SLC6A20: variants seen among roughly 807,000 people sequenced by gnomAD.
SLC6A20 encodes solute carrier family 6 member 20.
A neutral mutation model predicts 64.3 loss-of-function variants in SLC6A20; 73 were observed. That is an observed-to-expected ratio of 1.14 (90% confidence interval 0.94 to 1.38). SLC6A20 has a LOEUF of 1.38. SLC6A20 is among the 40% of genes most tolerant of loss of function. SLC6A20 has a pLI of 0.00. For missense variants in SLC6A20, 725 were observed against 772.8 expected (o/e 0.94, Z 0.73); for synonymous variants, 347 against 329.6 (o/e 1.05, Z -0.57).
chr3:45,779,964 C>G (rs1263802551), intron 3 of SLC6A20, 45 bp downstream of exon 3: 1 of 1,553,710 alleles, frequency 6.4e-7, no homozygotes, highest in African/African-American at 1.4e-5. Context: ...TTTTCTCTCC[C>G]TTTCTCGCTC....
chr3:45,783,661 G>T (rs551257556), intron 1 of SLC6A20, among the ~76,000 whole-genome samples: 2 of 152,364 alleles, frequency 1.3e-5, no homozygotes, highest in South Asian at 2.1e-4. Flanking sequence ...GAAGTGGAAT[G>T]GCTGGGGCAA....
intron 1 of SLC6A20, among the ~76,000 whole-genome samples, chr3:45,785,613 T>TCTCTCTCTCTCTCTCTCTC (rs1700157049): frequency 1.4e-5 from 2 of 141,016 alleles, no homozygotes; most frequent in South Asian, 2.5e-4. Flanking sequence ...AAACTCCCCT[T>TCTCTCTCTCTCTCTCTCTC]TCTCTCTCTC....
rs575001121 is a variant in SLC6A20, at chr3:45,775,739, C to G, written c.582+22G>C. ...CCTCCCACCCACCAGGAGCACCGGG[C>G]TTCTGTGCCTCACTGTCCCACCTTG... is the stretch of plus-strand genomic sequence containing the variant. On this transcript the variant is annotated intron_variant, in intron 4 of 10. Transcript: ENST00000358525. The G allele has an allele frequency of 1.4e-4, 227 of 1,604,530 alleles. 3 individuals are homozygous for G. The South Asian group carries it at 2.4e-3, about 17-fold the overall frequency.
intron 1 of SLC6A20, among the ~76,000 whole-genome samples, chr3:45,792,202 TGA>T (rs1700265512): frequency 6.6e-6 from 1 of 152,114 alleles, no homozygotes; most frequent in South Asian, 2.1e-4. Flanking sequence ...AGAAGTACCC[TGA>T]GCCACGGCAA....
At chr3:45,774,574 G>C (rs952813923) in intron 4 of SLC6A20, among the ~76,000 whole-genome samples, 19 of 152,142 alleles carry the variant, frequency 1.2e-4, no homozygotes, top group Admixed American at 1.3e-4. Flanking sequence ...GGGGCTCTTA[G>C]AAACCAAAAT....
At chr3:45,778,394 C>G (rs781690565) in intron 3 of SLC6A20, among the ~76,000 whole-genome samples, 2 of 152,214 alleles carry the variant, frequency 1.3e-5, no homozygotes, top group Non-Finnish European at 2.9e-5. Flanking sequence ...TACTATTCCT[C>G]TCATTATTAT....
In SLC6A20 at chr3:45,782,174, C is replaced by T. The variant is rs143569697; in HGVS notation, c.171G>A (p.Pro57=). ...CCACAGCCAGTTCCAGGTACAAGAG[C>T]GGCATTCCCTCCACGATAAGCATGA... ...YIIMLIVEGM[P]LLYLELAVGQ... The change falls in exon 2 of 11, where the codon CCG becomes CCA. Residue 57 remains proline (P), a synonymous_variant. Coordinates refer to ENST00000358525, the MANE Select transcript of SLC6A20 (RefSeq NM_020208.4). The T allele has an allele frequency of 5.4e-4, 870 of 1,613,816 alleles. 3 individuals are homozygous for T. In the African/African-American group the frequency reaches 9.8e-3, roughly 18 times the overall value.
At chr3:45,789,887 C>A (rs939657642) in intron 1 of SLC6A20, among the ~76,000 whole-genome samples, 1 of 152,102 alleles carries the variant, frequency 6.6e-6, no homozygotes, top group African/African-American at 2.4e-5. Flanking sequence ...CCTCCACACC[C>A]GGCCCTTTTA....
intron 1 of SLC6A20, among the ~76,000 whole-genome samples, chr3:45,784,421 C>T (rs1009830598): frequency 6.6e-6 from 1 of 152,040 alleles, no homozygotes; most frequent in Non-Finnish European, 1.5e-5. Flanking sequence ...CAGGAGAAAA[C>T]CTTTATGAAC....
Position 45,755,498 on chromosome 3 carries a change from A to C in SLC6A20, c.*3480T>G, listed in dbSNP as rs2125712649. On this transcript the variant is annotated 3_prime_UTR_variant, in exon 11 of 11. Transcript: ENST00000358525. The stretch of plus-strand genomic sequence containing the variant: ...TATTTACTATGACAATTGCTAAAAA[A>C]CAAATATTTCCCTACTCAATTTCTT... 1 of 152,570 alleles carries C rather than the reference A, an allele frequency of 6.6e-6. No homozygotes were observed. Among genetic ancestry groups the C allele is most frequent in the South Asian group, 2.1e-4 (1 of 4,830 alleles). The allele number at this position is 152,570 out of a possible 1,614,324, so 9.5% of individuals were successfully genotyped here.
At position 45,763,053 on chromosome 3, in the gene SLC6A20, G is replaced by C. The variant is rs754604576; in HGVS notation, c.1323C>G (p.Asn441Lys). The change falls in exon 9 of 11, where the codon AAC (asparagine) becomes AAG (lysine). Residue 441 changes from asparagine (N) to lysine (K), a missense_variant. Physicochemically the swap from Asn to Lys is moderately conservative, Grantham distance 94 (BLOSUM62 0). Transcript: ENST00000358525. ...TCGTGAACACCATGCCAATGGCACA[G>C]TTGACAAGGCACACCAGACCTGGGG... ...EAISGLVCLVNCAIGMVFTME... is the reference protein window; with the variant it reads ...EAISGLVCLVKCAIGMVFTME... 47 of 1,614,138 alleles carry C rather than the reference G, an allele frequency of 2.9e-5. No homozygotes were observed. The highest frequency in any genetic ancestry group is 8.5e-6 in the Non-Finnish European group (10 of 1,180,040).
At chr3:45,775,279 C>T (rs1291369773) in intron 4 of SLC6A20, among the ~76,000 whole-genome samples, 2 of 152,106 alleles carry the variant, frequency 1.3e-5, no homozygotes, top group Admixed American at 1.3e-4. Flanking sequence ...CCCCTGCCTC[C>T]CCACCCAGTG....
chr3:45,765,853 T>G lies in SLC6A20; in HGVS notation c.1099-112A>C. 8.7e-7 allele frequency: 1 copy of G among 1,153,246 alleles called. No individual in the cohort carries two copies. The highest frequency in any genetic ancestry group is 1.2e-6 in the Non-Finnish European group (1 of 802,706). 71.4% of individuals were successfully genotyped at this position (1,153,246 alleles called of 1,614,324 possible). The stretch of plus-strand genomic sequence containing the variant: ...TTGGAAGTGGCCATGAGAAGCCACA[T>G]TGTGAGGTTGGAGCTTCCATCTGCA... On this transcript the variant is annotated intron_variant, in intron 7 of 10. Transcript: ENST00000358525. The surrounding 1 kb of genome is among the most constrained non-coding windows in gnomAD (Gnocchi z 4.2).
intron 3 of SLC6A20, among the ~76,000 whole-genome samples, 172 bp from the exon 4 acceptor site, chr3:45,776,160 A>T (rs1699964826): frequency 6.6e-6 from 1 of 152,020 alleles, no homozygotes. Context: ...AGAGTTTGTC[A>T]GGGGGCACGG....
intron 1 of SLC6A20, among the ~76,000 whole-genome samples, chr3:45,788,269 AAT>A (rs1700200271): frequency 6.6e-6 from 1 of 151,744 alleles, no homozygotes. Flanking sequence ...AAAAAAAAAA[AAT>A]GATAAAAAAG....
chr3:45,758,627 C>T lies in SLC6A20; in HGVS notation c.*351G>A, dbSNP rs1464113548. On this transcript the variant is annotated 3_prime_UTR_variant, in exon 11 of 11. Transcript: ENST00000358525. Reference sequence around the variant, plus strand: ...ATTTTGGTGTCTCTTCAGCCAAAAACAAAAATTGCTTAAATTTGGTCCCAT... The same window carrying T: ...ATTTTGGTGTCTCTTCAGCCAAAAATAAAAATTGCTTAAATTTGGTCCCAT... 1.8e-6 allele frequency: 2 copies of T among 1,116,192 alleles called. No individual in the cohort carries two copies. Among genetic ancestry groups the T allele is most frequent in the South Asian group, 2.3e-5 (1 of 43,490 alleles). 69.1% of individuals were successfully genotyped at this position (1,116,192 alleles called of 1,614,324 possible).
intron 4 of SLC6A20, among the ~76,000 whole-genome samples, chr3:45,775,145 G>A (rs976485956): frequency 6.6e-6 from 1 of 152,192 alleles, no homozygotes. Context: ...TGAGCCTTGG[G>A]ATGCACCAAG....
intron 2 of SLC6A20, 84 bp downstream of exon 2, chr3:45,781,999 A>G: frequency 6.9e-7 from 1 of 1,452,954 alleles, no homozygotes; most frequent in Non-Finnish European, 9.1e-7. Context: ...CCCTTGATCC[A>G]GCAGCTTTGC....
At chr3:45,779,114 C>T (rs1700026670) in intron 3 of SLC6A20, among the ~76,000 whole-genome samples, 1 of 152,238 alleles carries the variant, frequency 6.6e-6, no homozygotes, top group African/African-American at 2.4e-5. Context: ...ACCTTGGGGA[C>T]AGGCATGTCC....
Sources: gnomAD v4.1 joint callset for allele counts (sites outside exome capture counted in the v4.1 genomes callset) on GRCh38, gnomAD v4.1.1 for gene constraint, Gnocchi (gnomAD v3.1) non-coding constraint, MANE v1.5 for transcripts, NCBI Gene and HGNC (gene_info 2026-07-23, HGNC 2026-07-21) for gene names.